RBL2: variants seen among roughly 807,000 people sequenced by gnomAD.
RBL2 encodes the protein RB transcriptional corepressor like 2.
A neutral mutation model predicts 126.0 loss-of-function variants in RBL2; 56 were observed. The observed-to-expected ratio is 0.44, with a 90% CI of 0.36 to 0.56. The LOEUF (loss-of-function observed/expected upper bound fraction) is 0.56, where lower values mean the gene tolerates loss of function less well. Among genes scored for constraint, RBL2 ranks in the 20% least tolerant of loss-of-function variants. The pLI, the probability that RBL2 is intolerant of heterozygous loss-of-function variation, is 0.00. For missense variants in RBL2, 1,229 were observed against 1,398.2 expected (o/e 0.88, Z 1.93); for synonymous variants, 454 against 478.5 (o/e 0.95, Z 0.67).
intron 18 of RBL2, 183 bp downstream of exon 18, chr16:53,479,408 C>T: frequency 1.8e-6 from 1 of 569,212 alleles, no homozygotes; most frequent in South Asian, 2.3e-5. Context: ...CTCTTTTCCT[C>T]AAAAGGCAAC....
chr16:53,491,436 A>G lies in RBL2; in HGVS notation c.*1136A>G, dbSNP rs1451105219. On this transcript the variant is annotated 3_prime_UTR_variant, in exon 22 of 22. Coordinates refer to ENST00000262133, the MANE Select transcript of RBL2 (RefSeq NM_005611.4). ...ATTGTTCCAGCAGTTTTCAAGTCAAATTAATAATCTTATTAGGGAGAAAAT... is the reference window on the plus strand; with the variant it reads ...ATTGTTCCAGCAGTTTTCAAGTCAAGTTAATAATCTTATTAGGGAGAAAAT... 2 of 152,438 alleles carry G rather than the reference A, an allele frequency of 1.3e-5. No individual in the cohort carries two copies. The highest frequency in any genetic ancestry group is 2.9e-5 in the Non-Finnish European group (2 of 68,024). The allele number at this position is 152,438 out of a possible 1,614,324, so 9.4% of individuals were successfully genotyped here.
chr16:53,448,261 A>G (rs143864003), intron 4 of RBL2, among the ~76,000 whole-genome samples: 4,025 of 150,064 alleles, frequency 0.027, 63 homozygotes, highest in Middle Eastern at 0.057. Context: ...GGGTTCAAGC[A>G]ATCTCCTGCC....
chr16:53,464,564 G>A, intron 12 of RBL2: 1 of 430,662 alleles, frequency 2.3e-6, no homozygotes, highest in Non-Finnish European at 3.9e-6. Context: ...GATCTATTTT[G>A]GGTAAAAGCT....
chr16:53,442,913 G>T, intron 3 of RBL2, 55 bp downstream of exon 3: 3 of 1,237,082 alleles, frequency 2.4e-6, no homozygotes, highest in South Asian at 1.7e-5. Flanking sequence ...CTGCAGTGTT[G>T]ATATTCTGCT....
chr16:53,479,758 C>G, intron 18 of RBL2, 128 bp from the exon 19 acceptor site: 2 of 618,988 alleles, frequency 3.2e-6, no homozygotes, highest in Non-Finnish European at 5.6e-6. Flanking sequence ...TGTTTCTCAA[C>G]CTGTTCTGAG....
At chr16:53,487,627 G>A (rs1961227842) in intron 21 of RBL2, 2 of 151,988 alleles carry the variant, frequency 1.3e-5, no homozygotes, top group Non-Finnish European at 1.5e-5. Flanking sequence ...ATGTTTTATG[G>A]GAAAATTTTA....
At chr16:53,464,196 G>A in intron 11 of RBL2, 30 bp from the exon 12 acceptor site, 2 of 1,477,578 alleles carry the variant, frequency 1.4e-6, no homozygotes, top group Non-Finnish European at 1.8e-6. Context: ...CTAAGTAAAT[G>A]TTTCTAATGC....
Position 53,465,577 on chromosome 16 carries a change from A to T in RBL2, c.1838A>T (p.Glu613Val). The T allele has an allele frequency of 1.3e-6, 2 of 1,594,940 alleles. No homozygotes were observed. The highest frequency in any genetic ancestry group is 1.7e-6 in the Non-Finnish European group (2 of 1,173,998). Residue 613 changes from glutamate to valine, a missense_variant, in exon 13 of 22, where the codon GAA becomes GTA. By Grantham distance (121) the Glu-to-Val change is moderately radical (BLOSUM62 -2). Coordinates refer to ENST00000262133, the MANE Select transcript of RBL2 (RefSeq NM_005611.4). ...CTCTGGGAAAAAATTAGAGACAATG[A>T]AAACAGAGTTCCTACATGTGAAGAG... ...SPLWEKIRDN[E>V]NRVPTCEEVM...
chr16:53,459,450 G>C lies in RBL2; in HGVS notation c.1180-1G>C. On this transcript the variant is annotated splice_acceptor_variant, in intron 8 of 21. Coordinates refer to ENST00000262133, the MANE Select transcript of RBL2 (RefSeq NM_005611.4). LOFTEE classifies it high-confidence loss of function. ...TTCTGTGTAATTTTTTTTTTCTTTA[G>C]TCCAAAGCACTTAGAATCTCCACAC... 6.2e-7 allele frequency: 1 copy of C among 1,606,202 alleles called. No individual in the cohort carries two copies. Among genetic ancestry groups the C allele is most frequent in the Non-Finnish European group, 8.5e-7 (1 of 1,176,810 alleles).
At chr16:53,435,864 C>A in intron 1 of RBL2, 1 of 1,001,336 alleles carries the variant, frequency 1.0e-6, no homozygotes, top group Non-Finnish European at 1.3e-6. Context: ...ATTGTTAGGT[C>A]TGCAGAAGAT....
At chr16:53,466,227 A>G (rs2058271110) in intron 13 of RBL2, 1 of 152,200 alleles carries the variant, frequency 6.6e-6, no homozygotes, top group African/African-American at 2.4e-5. Context: ...TTGGTGACAG[A>G]GTAAAAATTC....
intron 17 of RBL2, among the ~76,000 whole-genome samples, chr16:53,475,844 T>TTC (rs1410645719): frequency 7.5e-6 from 1 of 132,646 alleles, no homozygotes; most frequent in African/African-American, 2.9e-5. Context: ...TCTTTTTTTT[T>TTC]TTTTTTTTTT....
At chr16:53,477,765 AT>A (rs1185393251) in intron 17 of RBL2, among the ~76,000 whole-genome samples, 1 of 152,072 alleles carries the variant, frequency 6.6e-6, no homozygotes, top group Non-Finnish European at 1.5e-5. Context: ...AATATGTTAC[AT>A]TTTTGTATGT....
chr16:53,469,543 A>G (rs972677377), intron 14 of RBL2, among the ~76,000 whole-genome samples: 5 of 152,204 alleles, frequency 3.3e-5, no homozygotes, highest in African/African-American at 1.2e-4. Context: ...TAGAAAGTGG[A>G]TATGATAGAA....
chr16:53,446,920 G>A, intron 3 of RBL2, 122 bp from the exon 4 acceptor site: 1 of 481,712 alleles, frequency 2.1e-6, no homozygotes, highest in Non-Finnish European at 3.7e-6. Flanking sequence ...TCCATGTGAA[G>A]CTGAATCTGT....
At chr16:53,441,844 CAG>C (rs951270208) in intron 2 of RBL2, among the ~76,000 whole-genome samples, 1 of 151,910 alleles carries the variant, frequency 6.6e-6, no homozygotes, top group African/African-American at 2.4e-5. Flanking sequence ...TTTTTTGAGA[CAG>C]AGTCTCGCAT....
At chr16:53,473,616 G>T (rs766678708) in intron 17 of RBL2, among the ~76,000 whole-genome samples, 3 of 151,716 alleles carry the variant, frequency 2.0e-5, no homozygotes, top group South Asian at 2.1e-4. Context: ...TTTACTTCTT[G>T]TCCAAACTGG....
chr16:53,471,508 C>T (rs2058323423), intron 17 of RBL2, among the ~76,000 whole-genome samples: 1 of 151,074 alleles, frequency 6.6e-6, no homozygotes, highest in African/African-American at 2.4e-5. Context: ...TCATTCTTGT[C>T]ACCCAGGCTG....
At chr16:53,460,705 T>A (rs2024449) in intron 9 of RBL2, among the ~76,000 whole-genome samples, 1 of 151,888 alleles carries the variant, frequency 6.6e-6, no homozygotes, top group Non-Finnish European at 1.5e-5. Context: ...GGTATGTGTG[T>A]GTGTGTTCCC....
Sources: allele counts gnomAD v4.1 joint callset (sites outside exome capture counted in the v4.1 genomes callset), GRCh38; gene constraint gnomAD v4.1.1; transcripts MANE v1.5; gene names NCBI Gene and HGNC (gene_info 2026-07-23, HGNC 2026-07-21).